The following MAPKBP1 variants were observed in gnomAD, a reference collection of about 807,000 sequenced individuals.
The protein encoded by MAPKBP1 is mitogen-activated protein kinase binding protein 1.
MAPKBP1 carries 71 observed loss-of-function variants against 170.5 expected under a neutral mutation model. The observed-to-expected ratio is 0.42, with a 90% CI of 0.34 to 0.51. MAPKBP1 has a LOEUF of 0.51. Among genes scored for constraint, MAPKBP1 ranks in the 20% least tolerant of loss-of-function variants. The pLI, the probability that MAPKBP1 is intolerant of heterozygous loss-of-function variation, is 0.06. For synonymous variants in MAPKBP1, 719 were observed against 757.9 expected, an observed-to-expected ratio of 0.95 and a Z score of 0.84; for missense variants, 1,598 against 1,933.0, an observed-to-expected ratio of 0.83 and a Z score of 3.25.
chr15:41,819,479 G>A (rs1259009862), intron 21 of MAPKBP1, 100 bp downstream of exon 21: 3 of 1,573,728 alleles, frequency 1.9e-6, no homozygotes, highest in Non-Finnish European at 2.6e-6. Flanking sequence ...GTGAGCTGAG[G>A]AAACTGAGGC....
intron 11 of MAPKBP1, 38 bp downstream of exon 11, chr15:41,815,443 G>A (rs1403624811): frequency 1.9e-6 from 3 of 1,609,662 alleles, no homozygotes; most frequent in Non-Finnish European, 2.5e-6. Flanking sequence ...TTCACCCTCA[G>A]TGCCCCCATC....
At chr15:41,793,202 T>C (rs553492439) in intron 2 of MAPKBP1, among the ~76,000 whole-genome samples, 2 of 152,190 alleles carry the variant, frequency 1.3e-5, no homozygotes, top group Admixed American at 1.3e-4. Flanking sequence ...AACGCTAATA[T>C]GTGGGCTGGG....
At chr15:41,813,165 C>T in intron 8 of MAPKBP1, 64 bp downstream of exon 8, 2 of 1,556,264 alleles carry the variant, frequency 1.3e-6, no homozygotes, top group Non-Finnish European at 1.7e-6. Context: ...GAACTAGTGC[C>T]CAGGGCTTCA....
Position 41,821,074 on chromosome 15 carries a change from C to T in MAPKBP1, c.2718+6C>T, listed in dbSNP as rs749500685. On this transcript the variant is annotated splice_donor_region_variant and intron_variant, in intron 23 of 30. Transcript: ENST00000457542. The stretch of plus-strand genomic sequence containing the variant: ...AGACTTCACTCACTAGCCAGGTGAG[C>T]CTGCTTTCTCCCAGCTCTCTAGAGA... The T allele has an allele frequency of 2.4e-5, 38 of 1,612,528 alleles. No individual in the cohort carries two copies. Among genetic ancestry groups the T allele is most frequent in the Non-Finnish European group, 3.0e-5 (35 of 1,179,078 alleles).
chr15:41,824,675 A>G, intron 30 of MAPKBP1, 106 bp downstream of exon 30: 1 of 1,118,282 alleles, frequency 8.9e-7, no homozygotes, highest in South Asian at 1.5e-5. Context: ...TGCTGACAGG[A>G]TGGCACACTC....
rs1332738074 is a variant in MAPKBP1, at chr15:41,824,395, C to G, written c.4214-89C>G. The G allele has an allele frequency of 4.0e-6, 5 of 1,241,046 alleles. No individual in the cohort carries two copies. The African/African-American group carries it at 7.4e-5, about 18-fold the overall frequency. The allele number at this position is 1,241,046 out of a possible 1,614,324, so 76.9% of individuals were successfully genotyped here. ...CAAGTGGGGGGTGCAATGCTGAGGG[C>G]TAGGTCTCTCCTGTTCTGAGTGTCT... On this transcript the variant is annotated intron_variant, in intron 29 of 30. Transcript: ENST00000457542.
intron 22 of MAPKBP1, among the ~76,000 whole-genome samples, chr15:41,820,389 A>G (rs1319266442): frequency 6.6e-6 from 1 of 152,040 alleles, no homozygotes; most frequent in Non-Finnish European, 1.5e-5. Flanking sequence ...TGGGGTAGAC[A>G]GGCAGAAGTG....
intron 4 of MAPKBP1, 66 bp from the exon 5 acceptor site, chr15:41,811,112 G>T: frequency 6.3e-7 from 1 of 1,592,184 alleles, no homozygotes; most frequent in Non-Finnish European, 8.6e-7. Flanking sequence ...CTTTTGAGAG[G>T]CTGGGAGGGG....
rs1567152887 is a variant in MAPKBP1 at position 41,818,812 on chromosome 15, C to CT, written c.2157-8dup. 1.2e-6 allele frequency: 2 copies of CT among 1,613,386 alleles called. No individual in the cohort carries two copies. The highest frequency in any genetic ancestry group is 8.5e-7 in the Non-Finnish European group (1 of 1,179,342). On this transcript the variant is annotated splice_polypyrimidine_tract_variant and intron_variant, in intron 19 of 30. Coordinates refer to ENST00000457542, the MANE Select transcript of MAPKBP1 (RefSeq NM_014994.3). This position sits in a 1 kb window ranked among gnomAD's most constrained non-coding sequence, Gnocchi z 5.2. ...GCCCCTCCTTCAGCCAACTGTGTGG[C>CT]TTTACCCCAGCTGCATATTTGTGTG...
rs753749152 is a variant in MAPKBP1, at chr15:41,819,387, G to A, written c.2425+8G>A. On this transcript the variant is annotated splice_region_variant and intron_variant, in intron 21 of 30. Transcript: ENST00000457542. ...GTACCAAGAAGGCACTGGGTCTGTG[G>A]CAGTTGGGTGTGGGGGCAGACAGGC... 3 of 1,613,790 alleles carry A rather than the reference G, an allele frequency of 1.9e-6. No homozygotes were observed. Among genetic ancestry groups the A allele is most frequent in the South Asian group, 1.1e-5 (1 of 91,076 alleles).
Position 41,823,067 on chromosome 15 carries a change from C to T in MAPKBP1, c.3443C>T (p.Ser1148Phe). ...PPGAPPEVEP[S>F]SGNPSPQQAA... ...GGAGCACCCCCGGAGGTGGAACCGTCCTCTGGCAACCCCAGCCCCCAGCAG... is the reference window on the plus strand; with the variant it reads ...GGAGCACCCCCGGAGGTGGAACCGTTCTCTGGCAACCCCAGCCCCCAGCAG... The change falls in exon 28 of 31, where the codon TCC becomes TTC. Residue 1148 changes from serine to phenylalanine, a missense_variant. Transcript: ENST00000457542. The T allele has an allele frequency of 6.2e-7, 1 of 1,613,790 alleles. No homozygotes were observed. The highest frequency in any genetic ancestry group is 8.5e-7 in the Non-Finnish European group (1 of 1,179,938).
chr15:41,802,425 T>G lies in MAPKBP1; in HGVS notation c.206+2511T>G, dbSNP rs987517194. ...TTTTTTAACTTCTTGACTCTTGTAGTAACACTTAGCTTAAAACACAAACAC... is the reference window on the plus strand; with the variant it reads ...TTTTTTAACTTCTTGACTCTTGTAGGAACACTTAGCTTAAAACACAAACAC... On this transcript the variant is annotated intron_variant, in intron 3 of 30. Transcript: ENST00000457542. 1.3e-5 allele frequency among the ~76,000 whole-genome samples: 2 copies of G among 152,210 alleles called. 1 individual carries two copies. The highest frequency in any genetic ancestry group is 2.9e-5 in the Non-Finnish European group (2 of 68,034).
At chr15:41,787,203 A>G (rs554449820) in intron 2 of MAPKBP1, among the ~76,000 whole-genome samples, 1 of 152,246 alleles carries the variant, frequency 6.6e-6, no homozygotes, top group African/African-American at 2.4e-5. Flanking sequence ...TACTTTTTGA[A>G]GTACATGTGC....
At position 41,825,605 on chromosome 15, in the gene MAPKBP1, T is replaced by G. The variant is rs2140861033; in HGVS notation, c.*169T>G. ...CTCGTGGGGGGCCTGTATTTATTAA[T>G]TTATTTCCCTGACTGTTGCCTCACT... On this transcript the variant is annotated 3_prime_UTR_variant, in exon 31 of 31. Transcript: ENST00000457542. 1.8e-6 allele frequency: 1 copy of G among 557,496 alleles called. No individual in the cohort carries two copies. The highest frequency in any genetic ancestry group is 3.2e-5 in the East Asian group (1 of 31,546). The allele number at this position is 557,496 out of a possible 1,614,324, so 34.5% of individuals were successfully genotyped here.
In MAPKBP1 at chr15:41,812,545, G is replaced by A. The variant is rs2064822827; in HGVS notation, c.528G>A (p.Val176=). 6 of 1,614,234 alleles carry A rather than the reference G, an allele frequency of 3.7e-6. No homozygotes were observed. The East Asian group carries it at 1.3e-4, about 36-fold the overall frequency. ...ACATTGTGGTGGCCTCCAACAAGGT[G>A]TCCAGTCGGGTGACAGCAGTGTCCT... ...KKNIVVASNK[V]SSRVTAVSFS... is the part of the protein sequence containing the mutation. Residue 176 remains valine, a synonymous_variant, in exon 7 of 31, where the codon GTG becomes GTA. Transcript: ENST00000457542.
chr15:41,814,940 C>T (rs1239008360), intron 10 of MAPKBP1, among the ~76,000 whole-genome samples: 10 of 152,176 alleles, frequency 6.6e-5, no homozygotes, highest in African/African-American at 1.7e-4. Flanking sequence ...AGTTTTGCCT[C>T]GGTCATCTTG....
chr15:41,775,885 G>C (rs1283204548), intron 2 of MAPKBP1, among the ~76,000 whole-genome samples: 2 of 152,064 alleles, frequency 1.3e-5, no homozygotes, highest in African/African-American at 4.8e-5. Context: ...AATTTTTTTT[G>C]TCTCTTCAAG....
chr15:41,825,246 G>A lies in MAPKBP1; in HGVS notation c.4337G>A (p.Arg1446Gln), dbSNP rs764903151. The A allele has an allele frequency of 2.4e-5, 38 of 1,601,768 alleles. No individual in the cohort carries two copies. The East Asian group carries it at 6.5e-4, about 27-fold the overall frequency. ...AAGATGCCCTCAGCAGAGCAAAGTC[G>A]GATTGCCCAGCTCCTCAGAGACACC... Reference protein sequence around the residue: ...GCKMPSAEQSRIAQLLRDTFS... With the variant: ...GCKMPSAEQSQIAQLLRDTFS... Residue 1446 changes from arginine to glutamine, a missense_variant, in exon 31 of 31, where the codon CGG becomes CAG. Arg to Gln is a conservative substitution (Grantham distance 43). Coordinates refer to ENST00000457542, the MANE Select transcript of MAPKBP1 (RefSeq NM_014994.3).
At chr15:41,788,105 G>A (rs1247016219) in intron 2 of MAPKBP1, among the ~76,000 whole-genome samples, 1 of 151,828 alleles carries the variant, frequency 6.6e-6, no homozygotes, top group African/African-American at 2.4e-5. Context: ...TTACAGGCAC[G>A]TACCACCATG....
Sources: allele counts gnomAD v4.1 joint callset (sites outside exome capture counted in the v4.1 genomes callset), GRCh38; gene constraint gnomAD v4.1.1; non-coding constraint Gnocchi (gnomAD v3.1); transcripts MANE v1.5; gene names NCBI Gene and HGNC (gene_info 2026-07-23, HGNC 2026-07-21).